Variants in TMEM132B observed in about 807,000 individuals in gnomAD.
TMEM132B encodes the protein transmembrane protein 132B.
Under a neutral mutation model 90.8 loss-of-function variants are expected in TMEM132B, and 18 were observed. The observed-to-expected ratio is 0.20, with a 90% CI of 0.14 to 0.29. The LOEUF (loss-of-function observed/expected upper bound fraction) is 0.29. Among genes scored for constraint, TMEM132B ranks in the 10% least tolerant of loss-of-function variants. TMEM132B has a pLI of 1.00. For synonymous variants in TMEM132B, 504 were observed against 523.3 expected (o/e 0.96, Z 0.50); for missense variants, 1,096 against 1,326.8 (o/e 0.83, Z 2.70).
intron 3 of TMEM132B, among the ~76,000 whole-genome samples, chr12:125,471,767 A>G (rs1881730630): frequency 6.6e-6 from 1 of 152,298 alleles, no homozygotes; most frequent in East Asian, 1.9e-4. Flanking sequence ...GGCTTTGCAT[A>G]TGTGGTCTCA....
intron 3 of TMEM132B, among the ~76,000 whole-genome samples, chr12:125,497,671 T>C (rs558096137): frequency 3.9e-4 from 60 of 152,322 alleles, no homozygotes; most frequent in Non-Finnish European, 7.1e-4. Flanking sequence ...GAACCAGGGG[T>C]TTCTTCCTCT....
At chr12:125,622,597 T>C (rs1414969150) in intron 5 of TMEM132B, 4 of 985,426 alleles carry the variant, frequency 4.1e-6, no homozygotes, top group Non-Finnish European at 4.8e-6. Flanking sequence ...TCTTATTTGC[T>C]GGGTCTCTCT....
chr12:125,654,153 C>T lies in TMEM132B; in HGVS notation c.2695C>T (p.Leu899=). Residue 899 remains leucine, a synonymous_variant, in exon 9 of 9, where the codon CTA becomes TTA. Coordinates refer to ENST00000682704, the MANE Select transcript of TMEM132B (RefSeq NM_001366854.1). The surrounding 1 kb of genome is among the most constrained non-coding windows in gnomAD (Gnocchi z 5.8). ...PSDLTVTSRG[L]TDLEIGMYAL... ...TGACCTCACAGTGACCTCAAGGGGGCTAACGGACTTGGAGATTGGCATGTA... is the reference window on the plus strand; with the variant it reads ...TGACCTCACAGTGACCTCAAGGGGGTTAACGGACTTGGAGATTGGCATGTA... The T allele has an allele frequency of 6.2e-7, 1 of 1,614,252 alleles. No individual in the cohort carries two copies. The highest frequency in any genetic ancestry group is 8.5e-7 in the Non-Finnish European group (1 of 1,180,054).
rs141551796 is a variant in TMEM132B at position 125,372,976 on chromosome 12, C to T, written c.959+22633C>T. 7.3e-4 allele frequency among the ~76,000 whole-genome samples: 111 copies of T among 152,338 alleles called. 2 individuals are homozygous for T. In the East Asian group the frequency reaches 0.019, roughly 26 times the overall value. On this transcript the variant is annotated intron_variant, in intron 2 of 8. Transcript: ENST00000682704. Reference sequence around the variant, plus strand: ...GTCTCTCCTTGCCATTCATGGCTTACCTTGGATGTCCCCTTTTCCCCGACC... The same window carrying T: ...GTCTCTCCTTGCCATTCATGGCTTATCTTGGATGTCCCCTTTTCCCCGACC...
chr12:125,613,078 A>T (rs1424777361), intron 5 of TMEM132B, among the ~76,000 whole-genome samples: 1 of 51,516 alleles, frequency 1.9e-5, no homozygotes, highest in Non-Finnish European at 2.8e-5. Flanking sequence ...TTTATATATT[A>T]AAAATATATA....
intron 1 of TMEM132B, among the ~76,000 whole-genome samples, chr12:125,343,713 G>A (rs1377077121): frequency 6.6e-6 from 1 of 152,180 alleles, no homozygotes; most frequent in African/African-American, 2.4e-5. Context: ...TGGTAAATAT[G>A]CCTAGGTGTG....
At chr12:125,315,943 C>T (rs940737672) in intron 1 of TMEM132B, among the ~76,000 whole-genome samples, 1 of 152,130 alleles carries the variant, frequency 6.6e-6, no homozygotes, top group Non-Finnish European at 1.5e-5. Context: ...TGGGTCACCA[C>T]CCCCTGGATG....
chr12:125,568,852 C>T (rs1258105124), intron 4 of TMEM132B, among the ~76,000 whole-genome samples: 5 of 152,152 alleles, frequency 3.3e-5, no homozygotes, highest in African/African-American at 9.7e-5. Flanking sequence ...TTTACTATGA[C>T]GTGGTACAAT....
At position 125,277,137 on chromosome 12, in the gene TMEM132B, G is replaced by A. The variant is rs1251642185; in HGVS notation, c.68-72315G>A. On this transcript the variant is annotated intron_variant, in intron 1 of 8. Transcript: ENST00000682704. The surrounding 1 kb of genome is among the most constrained non-coding windows in gnomAD (Gnocchi z 4.3). ...TTTGCATATGTGGTCAAGTTAAGATGTGGTCATTAGGGTGGGCCCTAATCC... is the reference window on the plus strand; with the variant it reads ...TTTGCATATGTGGTCAAGTTAAGATATGGTCATTAGGGTGGGCCCTAATCC... 2.0e-5 allele frequency among the ~76,000 whole-genome samples: 3 copies of A among 151,912 alleles called. No individual in the cohort carries two copies. The highest frequency in any genetic ancestry group is 4.8e-5 in the African/African-American group (2 of 41,398).
At chr12:125,601,359 A>G (rs950058534) in intron 5 of TMEM132B, among the ~76,000 whole-genome samples, 3 of 152,230 alleles carry the variant, frequency 2.0e-5, no homozygotes, top group East Asian at 1.9e-4. Flanking sequence ...CTGCTCCTGA[A>G]TGACTCCTGG....
At position 125,644,319 on chromosome 12, in the gene TMEM132B, C is replaced by T. The variant is rs775453472; in HGVS notation, c.1643+38C>T. The T allele has an allele frequency of 4.4e-6, 7 of 1,606,030 alleles. No individual in the cohort carries two copies. In the African/African-American group the frequency reaches 5.4e-5, roughly 12 times the overall value. The stretch of plus-strand genomic sequence containing the variant: ...AGAGAAGGCTGTGGATCCGATTGTC[C>T]TGGAGTCCAGATCTTTGTGGGAGGC... On this transcript the variant is annotated intron_variant, in intron 6 of 8. Transcript: ENST00000682704.
At chr12:125,247,013 A>G (rs1449352849) in intron 1 of TMEM132B, among the ~76,000 whole-genome samples, 1 of 152,140 alleles carries the variant, frequency 6.6e-6, no homozygotes, top group Non-Finnish European at 1.5e-5. Context: ...TAAATCAAAT[A>G]AAAGGAATCT....
chr12:125,274,895 C>T (rs531496568), intron 1 of TMEM132B, among the ~76,000 whole-genome samples: 7 of 152,134 alleles, frequency 4.6e-5, no homozygotes, highest in African/African-American at 1.7e-4. Flanking sequence ...TGCATTCCAG[C>T]CTGGGTGATG....
At chr12:125,507,632 TG>T (rs879886766) in intron 3 of TMEM132B, among the ~76,000 whole-genome samples, 1 of 151,970 alleles carries the variant, frequency 6.6e-6, no homozygotes. Context: ...TGGCTGGAGC[TG>T]GGGGAACAGT....
chr12:125,514,125 C>T (rs974324240), intron 3 of TMEM132B, among the ~76,000 whole-genome samples: 5 of 152,158 alleles, frequency 3.3e-5, no homozygotes, highest in Admixed American at 1.3e-4. Context: ...AACAGACTTA[C>T]GGCCTGGAAG....
In TMEM132B at chr12:125,543,160, C is replaced by G. The variant is rs78358016; in HGVS notation, c.1293+23535C>G. On this transcript the variant is annotated intron_variant, in intron 4 of 8. Coordinates refer to ENST00000682704, the MANE Select transcript of TMEM132B (RefSeq NM_001366854.1). Reference sequence around the variant, plus strand: ...TCTAGGCTCTACTTTTCTCAGAAGTCCAGACAGTCTCTGTCAATGTGGTGA... The same window carrying G: ...TCTAGGCTCTACTTTTCTCAGAAGTGCAGACAGTCTCTGTCAATGTGGTGA... Among the ~76,000 whole-genome samples the G allele has an allele frequency of 3.3e-3, 506 of 152,256 alleles. 5 individuals carry two copies. Among genetic ancestry groups the G allele is most frequent in the African/African-American group, 0.012 (491 of 41,534 alleles).
chr12:125,558,963 C>G (rs545046654), intron 4 of TMEM132B, among the ~76,000 whole-genome samples: 1 of 152,178 alleles, frequency 6.6e-6, no homozygotes, highest in Non-Finnish European at 1.5e-5. Flanking sequence ...GAAGAAAAAA[C>G]AGGGTGATGT....
At chr12:125,260,119 G>A (rs963744624) in intron 1 of TMEM132B, among the ~76,000 whole-genome samples, 2 of 152,156 alleles carry the variant, frequency 1.3e-5, no homozygotes, top group East Asian at 1.9e-4. Flanking sequence ...GAGAGAGATC[G>A]AAGTGTATGT....
At chr12:125,233,186 G>A (rs551889992) in intron 1 of TMEM132B, among the ~76,000 whole-genome samples, 29 of 152,234 alleles carry the variant, frequency 1.9e-4, no homozygotes, top group Non-Finnish European at 3.5e-4. Context: ...TCCCTCAACA[G>A]TCATGTAGAA....
Sources: allele counts gnomAD v4.1 joint callset (sites outside exome capture counted in the v4.1 genomes callset), GRCh38; gene constraint gnomAD v4.1.1; non-coding constraint Gnocchi (gnomAD v3.1); transcripts MANE v1.5; gene names NCBI Gene and HGNC (gene_info 2026-07-23, HGNC 2026-07-21).